Variants in ZKSCAN4 observed in about 807,000 individuals in gnomAD.
ZKSCAN4 encodes the protein zinc finger with KRAB and SCAN domains 4.
Under a neutral mutation model 30.8 loss-of-function variants are expected in ZKSCAN4, and 23 were observed. That is an observed-to-expected ratio of 0.75 (90% confidence interval 0.54 to 1.06). The LOEUF is 1.06. ZKSCAN4 is among the 50% of genes least tolerant of loss of function. The pLI is 0.00. For missense variants in ZKSCAN4, 556 were observed against 665.4 expected (o/e 0.84, Z 1.81); for synonymous variants, 208 against 252.5 (o/e 0.82, Z 1.67).
rs528979347 is a variant in ZKSCAN4 at position 28,251,339 on chromosome 6, A to G, written c.423+219T>C. On this transcript the variant is annotated intron_variant, in intron 1 of 4. Coordinates refer to ENST00000377294, the MANE Select transcript of ZKSCAN4 (RefSeq NM_019110.5). This position sits in a 1 kb window ranked among gnomAD's most constrained non-coding sequence, Gnocchi z 4.5. Reference sequence around the variant, plus strand: ...TTAATTCTTTGCTAACTGTATGTCAATATAGTTGTGTTCTTTTGTAATCCT... The same window carrying G: ...TTAATTCTTTGCTAACTGTATGTCAGTATAGTTGTGTTCTTTTGTAATCCT... 4.2e-6 allele frequency: 3 copies of G among 712,530 alleles called. No homozygotes were observed. The highest frequency in any genetic ancestry group is 3.6e-5 in the African/African-American group (2 of 55,808). 44.1% of individuals were successfully genotyped at this position (712,530 alleles called of 1,614,324 possible).
At position 28,242,758 on chromosome 6, in the gene ZKSCAN4, C is replaced by T. The variant is rs376906432; in HGVS notation, c.*2358G>A. 1.1e-4 allele frequency among the ~76,000 whole-genome samples: 10 copies of T among 95,144 alleles called. No individual in the cohort carries two copies. The highest frequency in any genetic ancestry group is 7.0e-4 in the Admixed American group (7 of 10,046). The allele number at this position is 95,144 out of a possible 152,430, so 62.4% of individuals were successfully genotyped here. A position where few individuals can be genotyped will look rare whatever the true frequency, so the allele number is the denominator to read the frequency against. The stretch of plus-strand genomic sequence containing the variant: ...AAAGACCTAAGCCTAAGTGTGTATA[C>T]ACACACACACACACACACACAAATA... On this transcript the variant is annotated 3_prime_UTR_variant, in exon 5 of 5. Coordinates refer to ENST00000377294, the MANE Select transcript of ZKSCAN4 (RefSeq NM_019110.5).
In ZKSCAN4 at chr6:28,245,541, C is replaced by G. The variant is rs1156419994; in HGVS notation, c.1213G>C (p.Glu405Gln). 5 of 1,613,964 alleles carry G rather than the reference C, an allele frequency of 3.1e-6. No homozygotes were observed. The highest frequency in any genetic ancestry group is 4.2e-6 in the Non-Finnish European group (5 of 1,180,026). Residue 405 changes from glutamate (E) to glutamine (Q), a missense_variant, in exon 5 of 5, where the codon GAG (glutamate) becomes CAG (glutamine). Glu to Gln is a conservative substitution (Grantham distance 29). Transcript: ENST00000377294. Reference sequence around the variant, plus strand: ...AAGGTCTTCCCACAGTCATCACACTCATAGGGCTTCTCCCCAGTGTGGGTT... The same window carrying G: ...AAGGTCTTCCCACAGTCATCACACTGATAGGGCTTCTCCCCAGTGTGGGTT... ...QRTHTGEKPY[E>Q]CDDCGKTFSQ...
At position 28,245,877 on chromosome 6, in the gene ZKSCAN4, G is replaced by A; in HGVS notation, c.877C>T (p.Gln293Ter). The change falls in exon 5 of 5, where the codon CAG becomes TAG. Residue 293 changes from glutamine (Q) to a stop codon, truncating the protein, a stop_gained. Transcript: ENST00000377294. LOFTEE classifies it low-confidence loss of function (END_TRUNC). Reference protein sequence around the residue: ...KICHLREDIAQIPTHAEAGEQ... With the variant: ...KICHLREDIA Reference sequence around the variant, plus strand: ...CCAGCTTCTGCATGTGTAGGAATCTGGGCAATGTCTTCCCTCAGGTGGCAT... The same window carrying A: ...CCAGCTTCTGCATGTGTAGGAATCTAGGCAATGTCTTCCCTCAGGTGGCAT... 1 of 1,614,164 alleles carries A rather than the reference G, an allele frequency of 6.2e-7. No homozygotes were observed. Among genetic ancestry groups the A allele is most frequent in the Non-Finnish European group, 8.5e-7 (1 of 1,180,036 alleles).
In ZKSCAN4 at chr6:28,252,088, C is replaced by T; in HGVS notation, c.-108G>A. On this transcript the variant is annotated 5_prime_UTR_variant, in exon 1 of 5. Coordinates refer to ENST00000377294, the MANE Select transcript of ZKSCAN4 (RefSeq NM_019110.5). ...CAGTAGAACTGCAAGTGGTCCCCCT[C>T]CTGTCATGCCCAGGGGCCCAGGACA... The T allele has an allele frequency of 8.0e-7, 1 of 1,253,784 alleles. No individual in the cohort carries two copies. The highest frequency in any genetic ancestry group is 2.2e-4 in the Middle Eastern group (1 of 4,622). The allele number at this position is 1,253,784 out of a possible 1,614,324, so 77.7% of individuals were successfully genotyped here. A position where few individuals can be genotyped will look rare whatever the true frequency, so the allele number is the denominator to read the frequency against.
At position 28,249,642 on chromosome 6, in the gene ZKSCAN4, G is replaced by A. The variant is rs202203307; in HGVS notation, c.571+45C>T. The A allele has an allele frequency of 4.3e-5, 68 of 1,584,138 alleles. No homozygotes were observed. In the African/African-American group the frequency reaches 8.1e-4, roughly 19 times the overall value. On this transcript the variant is annotated intron_variant, in intron 2 of 4. Coordinates refer to ENST00000377294, the MANE Select transcript of ZKSCAN4 (RefSeq NM_019110.5). This position sits in a 1 kb window ranked among gnomAD's most constrained non-coding sequence, Gnocchi z 4.1. ...TTTTAGGTGATCCTTAAATGAAATT[G>A]GATGAAGTCTATAGAATTCATACAA...
Position 28,249,975 on chromosome 6 carries a change from T to C in ZKSCAN4, c.424-141A>G. On this transcript the variant is annotated intron_variant, in intron 1 of 4. Coordinates refer to ENST00000377294, the MANE Select transcript of ZKSCAN4 (RefSeq NM_019110.5). This position sits in a 1 kb window ranked among gnomAD's most constrained non-coding sequence, Gnocchi z 4.1. ...TAGATAACAACCCTGTGAGCTATTA[T>C]TTTGGATTTTTATGATAAGTTGCTG... 1 of 1,000,726 alleles carries C rather than the reference T, an allele frequency of 1.0e-6. No individual in the cohort carries two copies. Among genetic ancestry groups the C allele is most frequent in the Non-Finnish European group, 1.4e-6 (1 of 700,084 alleles). 62.0% of individuals were successfully genotyped at this position (1,000,726 alleles called of 1,614,324 possible). A position where few individuals can be genotyped will look rare whatever the true frequency, so the allele number is the denominator to read the frequency against.
At chr6:28,248,219 T>C (rs1448005211) in intron 2 of ZKSCAN4, 70 bp from the exon 3 acceptor site, 1 of 1,198,964 alleles carries the variant, frequency 8.3e-7, no homozygotes, top group Non-Finnish European at 1.2e-6. Context: ...AAAATCCAAG[T>C]TCAAAAACTG....
At chr6:28,257,432 G>A in the ZKSCAN4 span, among the ~76,000 whole-genome samples, 1 of 152,166 alleles carries the variant, frequency 6.6e-6, no homozygotes, top group Non-Finnish European at 1.5e-5. Context: ...AATAGCTAAT[G>A]CATGTGGGGC....
At position 28,245,509 on chromosome 6, in the gene ZKSCAN4, C is replaced by G; in HGVS notation, c.1245G>C (p.Gln415His). 1 of 1,614,186 alleles carries G rather than the reference C, an allele frequency of 6.2e-7. No individual in the cohort carries two copies. Among genetic ancestry groups the G allele is most frequent in the Non-Finnish European group, 8.5e-7 (1 of 1,180,032 alleles). The part of the protein sequence containing the change: ...ECDDCGKTFS[Q>H]SCSLLEHHKI... ...TGTGATGTTCAAGGAGGCTGCAGCTCTGGCTGAAGGTCTTCCCACAGTCAT... is the reference window on the plus strand; with the variant it reads ...TGTGATGTTCAAGGAGGCTGCAGCTGTGGCTGAAGGTCTTCCCACAGTCAT... Residue 415 changes from glutamine (Q) to histidine (H), a missense_variant, in exon 5 of 5, where the codon CAG (glutamine) becomes CAC (histidine). Around this residue, in one of 3 missense-constraint regions of ZKSCAN4, gnomAD observed 433 missense variants for 511.5 expected, o/e 0.85. Transcript: ENST00000377294.
chr6:28,247,162 C>T, intron 3 of ZKSCAN4, 70 bp from the exon 4 acceptor site: 1 of 1,465,696 alleles, frequency 6.8e-7, no homozygotes, highest in Non-Finnish European at 9.1e-7. Flanking sequence ...AATGAACATC[C>T]CCTTTAAAGA....
intron 4 of ZKSCAN4, among the ~76,000 whole-genome samples, chr6:28,246,215 G>A (rs1297834964): frequency 6.6e-6 from 1 of 152,030 alleles, no homozygotes; most frequent in Non-Finnish European, 1.5e-5. Flanking sequence ...AAAATGGTGA[G>A]GACCCAGGAC....
intron 3 of ZKSCAN4, 123 bp downstream of exon 3, chr6:28,247,944 A>G: frequency 5.1e-6 from 3 of 589,350 alleles, no homozygotes; most frequent in Non-Finnish European, 8.6e-6. Flanking sequence ...TAGATGAGAA[A>G]ACTCAAATTC....
In ZKSCAN4 at chr6:28,251,668, G is replaced by A. The variant is rs1306450959; in HGVS notation, c.313C>T (p.Leu105=). ...ACCCAGCTCTGCAGATTCCCCGGCAGGATGGTCAGGAACTGCTCCAGCACC... is the reference window on the plus strand; with the variant it reads ...ACCCAGCTCTGCAGATTCCCCGGCAAGATGGTCAGGAACTGCTCCAGCACC... ...LLVLEQFLTI[L]PGNLQSWVRE... Residue 105 remains leucine, a synonymous_variant, in exon 1 of 5, where the codon CTG becomes TTG. Transcript: ENST00000377294. This position sits in a 1 kb window ranked among gnomAD's most constrained non-coding sequence, Gnocchi z 4.5. The A allele has an allele frequency of 1.2e-6, 2 of 1,614,232 alleles. No homozygotes were observed. Among genetic ancestry groups the A allele is most frequent in the Admixed American group, 1.7e-5 (1 of 60,036 alleles).
chr6:28,242,584 A>AT lies in ZKSCAN4; in HGVS notation c.*2531dup, dbSNP rs1170762610. On this transcript the variant is annotated 3_prime_UTR_variant, in exon 5 of 5. Coordinates refer to ENST00000377294, the MANE Select transcript of ZKSCAN4 (RefSeq NM_019110.5). ...TTGTGAGTCCATTCAGCTTTCTAAC[A>AT]TGTCACCCTGTCCATATAATAACAG... Among the ~76,000 whole-genome samples, 25 of 152,182 alleles carry AT rather than the reference A, an allele frequency of 1.6e-4. No homozygotes were observed. The highest frequency in any genetic ancestry group is 4.8e-4 in the African/African-American group (20 of 41,444).
intron 3 of ZKSCAN4, 134 bp from the exon 4 acceptor site, chr6:28,247,226 CTAA>C (rs1283107549): frequency 1.1e-6 from 1 of 932,916 alleles, no homozygotes. Flanking sequence ...AGCTTTATCT[CTAA>C]TAACATCTTA....
chr6:28,256,422 C>T (rs933508517), upstream of ZKSCAN4, among the ~76,000 whole-genome samples: 1 of 151,998 alleles, frequency 6.6e-6, no homozygotes, highest in Non-Finnish European at 1.5e-5. Context: ...CAGAGTAAGA[C>T]CCTGTCTCAA....
chr6:28,253,535 T>A (rs901273328), upstream of ZKSCAN4, among the ~76,000 whole-genome samples: 4 of 152,226 alleles, frequency 2.6e-5, no homozygotes, highest in African/African-American at 9.6e-5. The surrounding 1 kb of genome is among the most constrained non-coding windows in gnomAD (Gnocchi z 4.2). Flanking sequence ...ATCTAAGTAC[T>A]TTTCTAGATC....
In ZKSCAN4 at chr6:28,245,979, A is replaced by C; in HGVS notation, c.779-4T>G. 2 of 1,614,154 alleles carry C rather than the reference A, an allele frequency of 1.2e-6. No individual in the cohort carries two copies. Among genetic ancestry groups the C allele is most frequent in the Non-Finnish European group, 1.7e-6 (2 of 1,180,022 alleles). ...CTCTTAGTCTGTATTTCACCACCTG[A>C]AACAACAAATGGCCGGCAACTGTGG... On this transcript the variant is annotated splice_polypyrimidine_tract_variant and splice_region_variant and intron_variant, in intron 4 of 4. Coordinates refer to ENST00000377294, the MANE Select transcript of ZKSCAN4 (RefSeq NM_019110.5).
Position 28,252,089 on chromosome 6 carries a change from C to T in ZKSCAN4, c.-109G>A, listed in dbSNP as rs1010677462. 8 of 1,256,426 alleles carry T rather than the reference C, an allele frequency of 6.4e-6. No homozygotes were observed. The African/African-American group carries it at 9.0e-5, about 14-fold the overall frequency. 77.8% of individuals were successfully genotyped at this position (1,256,426 alleles called of 1,614,324 possible). On this transcript the variant is annotated 5_prime_UTR_variant, in exon 1 of 5. Transcript: ENST00000377294. The stretch of plus-strand genomic sequence containing the variant: ...AGTAGAACTGCAAGTGGTCCCCCTC[C>T]TGTCATGCCCAGGGGCCCAGGACAC...
Sources: gnomAD v4.1 joint callset for allele counts (sites outside exome capture counted in the v4.1 genomes callset) on GRCh38, gnomAD v4.1.1 for gene constraint, gnomAD v4.1.1 regional missense constraint, Gnocchi (gnomAD v3.1) non-coding constraint, MANE v1.5 for transcripts, NCBI Gene and HGNC (gene_info 2026-07-23, HGNC 2026-07-21) for gene names.